The following SDCCAG8 variants were observed in gnomAD, a reference collection of about 807,000 sequenced individuals.
SDCCAG8 encodes the protein serologically defined colon cancer antigen 8.
Under a neutral mutation model 101.8 loss-of-function variants are expected in SDCCAG8, and 74 were observed. That is an observed-to-expected ratio of 0.73 (90% CI 0.60 to 0.88). The LOEUF (loss-of-function observed/expected upper bound fraction) is 0.88, where lower values mean the gene tolerates loss of function less well. Among genes scored for constraint, SDCCAG8 ranks in the 40% least tolerant of loss-of-function variants. The pLI is 0.00. For synonymous variants in SDCCAG8, 281 were observed against 292.9 expected (o/e 0.96, Z 0.41); for missense variants, 787 against 822.6 (o/e 0.96, Z 0.53).
chr1:243,413,371 A>G (rs1327417085), intron 13 of SDCCAG8, among the ~76,000 whole-genome samples: 4 of 151,920 alleles, frequency 2.6e-5, no homozygotes, highest in Non-Finnish European at 5.9e-5. Context: ...ACGCCCAGCT[A>G]ATTTGTGTAT....
chr1:243,348,016 A>T (rs1368911640), intron 12 of SDCCAG8, among the ~76,000 whole-genome samples: 1 of 146,936 alleles, frequency 6.8e-6, no homozygotes, highest in Admixed American at 6.8e-5. Flanking sequence ...CCCAGGCTGG[A>T]CATGCATTTT....
At chr1:243,368,536 G>A (rs888693635) in intron 12 of SDCCAG8, among the ~76,000 whole-genome samples, 5 of 152,090 alleles carry the variant, frequency 3.3e-5, no homozygotes, top group East Asian at 1.9e-4. Flanking sequence ...TATTACCTTC[G>A]TTAACATAGC....
In SDCCAG8 at chr1:243,264,144, C is replaced by T. The variant is rs144918767; in HGVS notation, c.68-5961C>T. On this transcript the variant is annotated intron_variant, in intron 1 of 17. Coordinates refer to ENST00000366541, the MANE Select transcript of SDCCAG8 (RefSeq NM_006642.5). ...CTGTCACCAGGGCAATTCTCTTTCA[C>T]ATCTCCCAGGACAGATGGAGAATGA... Among the ~76,000 whole-genome samples, 555 of 152,336 alleles carry T rather than the reference C, an allele frequency of 3.6e-3. 1 individual carries two copies. Among genetic ancestry groups the T allele is most frequent in the African/African-American group, 0.013 (527 of 41,564 alleles).
chr1:243,317,377 A>G (rs1002554695), intron 9 of SDCCAG8, among the ~76,000 whole-genome samples: 11 of 150,172 alleles, frequency 7.3e-5, no homozygotes, highest in Non-Finnish European at 1.3e-4. Context: ...CTGGAGTGCA[A>G]TGGCACGATT....
intron 4 of SDCCAG8, among the ~76,000 whole-genome samples, chr1:243,281,982 C>T (rs2069097461): frequency 6.6e-6 from 1 of 151,896 alleles, no homozygotes; most frequent in Non-Finnish European, 1.5e-5. Flanking sequence ...TATATGATTG[C>T]ATTTTATTTT....
intron 10 of SDCCAG8, among the ~76,000 whole-genome samples, chr1:243,336,288 GT>G (rs2075005928): frequency 1.3e-5 from 2 of 152,150 alleles, no homozygotes; most frequent in Admixed American, 6.5e-5. Context: ...ATGGTCTGTT[GT>G]TTTTTGAGTT....
At chr1:243,378,479 AC>A (rs2077733643) in intron 12 of SDCCAG8, among the ~76,000 whole-genome samples, 1 of 152,212 alleles carries the variant, frequency 6.6e-6, no homozygotes, top group Admixed American at 6.5e-5. Flanking sequence ...ATCCACTTTG[AC>A]TACTCTCATT....
rs112600808 is a variant in SDCCAG8 at position 243,285,680 on chromosome 1, G to A, written c.421-592G>A. ...TAGCTATTCTAATGATTGTTGACCT[G>A]TAATTTCTTATGTTACATCCTGTAA... On this transcript the variant is annotated intron_variant, in intron 4 of 17. Coordinates refer to ENST00000366541, the MANE Select transcript of SDCCAG8 (RefSeq NM_006642.5). Among the ~76,000 whole-genome samples, 53 of 152,220 alleles carry A rather than the reference G, an allele frequency of 3.5e-4. No individual in the cohort carries two copies. The South Asian group carries it at 6.8e-3, about 20-fold the overall frequency.
chr1:243,445,100 C>A (rs1352743415), intron 16 of SDCCAG8, among the ~76,000 whole-genome samples: 6 of 151,970 alleles, frequency 3.9e-5, no homozygotes, highest in Non-Finnish European at 7.4e-5. Flanking sequence ...ACATTAATAA[C>A]AAACATATTT....
intron 4 of SDCCAG8, among the ~76,000 whole-genome samples, chr1:243,284,415 A>G (rs1269822751): frequency 1.3e-5 from 2 of 152,164 alleles, no homozygotes; most frequent in Non-Finnish European, 2.9e-5. Context: ...CTCTGTCAGT[A>G]TACGGGAGCC....
chr1:243,283,054 C>G (rs1029341677), intron 4 of SDCCAG8, among the ~76,000 whole-genome samples: 9 of 152,184 alleles, frequency 5.9e-5, no homozygotes, highest in African/African-American at 2.2e-4. Flanking sequence ...ACCATGTTAG[C>G]CAGGCTGGTT....
chr1:243,415,551 C>T (rs2080515813), intron 13 of SDCCAG8, 151 bp from the exon 14 acceptor site: 2 of 1,012,684 alleles, frequency 2.0e-6, no homozygotes, highest in African/African-American at 1.6e-5. Context: ...TGGATCTTCC[C>T]CCTAAAGTGG....
At chr1:243,270,416 G>C (rs759802350) in intron 2 of SDCCAG8, among the ~76,000 whole-genome samples, 159 bp downstream of exon 2, 1 of 152,096 alleles carries the variant, frequency 6.6e-6, no homozygotes, top group African/African-American at 2.4e-5. Context: ...GTTTTCCTTT[G>C]ACTTCCCAAT....
intron 12 of SDCCAG8, among the ~76,000 whole-genome samples, chr1:243,360,672 A>C (rs574780228): frequency 1.5e-4 from 23 of 152,150 alleles, no homozygotes; most frequent in African/African-American, 4.8e-4. Context: ...AAATATAAAA[A>C]TTAGCCAGGC....
intron 9 of SDCCAG8, among the ~76,000 whole-genome samples, chr1:243,320,303 C>T (rs2073643411): frequency 6.6e-6 from 1 of 152,188 alleles, no homozygotes; most frequent in African/African-American, 2.4e-5. Flanking sequence ...TTGCCTCCCT[C>T]CTTCGTTCCA....
intron 17 of SDCCAG8, among the ~76,000 whole-genome samples, chr1:243,490,233 G>A (rs979308609): frequency 6.6e-6 from 1 of 152,218 alleles, no homozygotes; most frequent in Non-Finnish European, 1.5e-5. Context: ...GACAGTAAAT[G>A]AGCACACCCA....
At chr1:243,261,305 T>C (rs538866500) in intron 1 of SDCCAG8, among the ~76,000 whole-genome samples, 1 of 152,166 alleles carries the variant, frequency 6.6e-6, no homozygotes, top group South Asian at 2.1e-4. Context: ...TTAATGTTCC[T>C]TCCATCAGCA....
At chr1:243,493,359 GAGCC>G (rs756575207) in intron 17 of SDCCAG8, among the ~76,000 whole-genome samples, 1 of 152,182 alleles carries the variant, frequency 6.6e-6, no homozygotes, top group Non-Finnish European at 1.5e-5. Context: ...AGGAAGGTTG[GAGCC>G]AGCTGGTGAG....
intron 16 of SDCCAG8, among the ~76,000 whole-genome samples, chr1:243,437,729 G>A (rs542406396): frequency 1.7e-3 from 251 of 152,098 alleles, no homozygotes; most frequent in Non-Finnish European, 2.5e-3. Context: ...TAGTAGAGAC[G>A]GGGTTTCACC....
Sources: gnomAD v4.1 joint callset for allele counts (sites outside exome capture counted in the v4.1 genomes callset) on GRCh38, gnomAD v4.1.1 for gene constraint, MANE v1.5 for transcripts, NCBI Gene and HGNC (gene_info 2026-07-23, HGNC 2026-07-21) for gene names.